CAMK1G: variants seen among roughly 807,000 people sequenced by gnomAD.
CAMK1G encodes the protein calcium/calmodulin dependent protein kinase IG.
A neutral mutation model predicts 54.8 loss-of-function variants in CAMK1G; 27 were observed. The ratio of observed to expected loss-of-function variants is 0.49; its 90% confidence interval spans 0.36 to 0.68. The LOEUF is 0.68. Among genes scored for constraint, CAMK1G ranks in the 30% least tolerant of loss-of-function variants. The pLI, the probability that CAMK1G is intolerant of heterozygous loss-of-function variation, is 0.00. For synonymous variants in CAMK1G, 238 were observed against 224.9 expected, an observed-to-expected ratio of 1.06 and a Z score of -0.52; for missense variants, 512 against 591.0, an observed-to-expected ratio of 0.87 and a Z score of 1.39.
At chr1:209,592,336 C>A (rs1035801823) in intron 1 of CAMK1G, among the ~76,000 whole-genome samples, 9 of 124,768 alleles carry the variant, frequency 7.2e-5, no homozygotes, top group Middle Eastern at 4.6e-3. Context: ...TAGAGCAAGA[C>A]TCTGTCTCAA....
intron 8 of CAMK1G, 27 bp downstream of exon 8, chr1:209,609,119 A>G (rs779956913): frequency 6.2e-7 from 1 of 1,613,982 alleles, no homozygotes; most frequent in South Asian, 1.1e-5. Flanking sequence ...TGAAGGAGAG[A>G]TAACAGGCTC....
At chr1:209,588,224 C>T (rs1431620439) in intron 1 of CAMK1G, among the ~76,000 whole-genome samples, 2 of 152,202 alleles carry the variant, frequency 1.3e-5, no homozygotes, top group African/African-American at 4.8e-5. Context: ...AGGTGCTACT[C>T]AAAGATGCTC....
intron 3 of CAMK1G, among the ~76,000 whole-genome samples, chr1:209,601,108 T>C (rs1387708307): frequency 6.6e-6 from 1 of 152,196 alleles, no homozygotes; most frequent in Non-Finnish European, 1.5e-5. Context: ...AGGAGTCACA[T>C]TGTCTGATTA....
intron 7 of CAMK1G, 49 bp from the exon 8 acceptor site, chr1:209,608,931 G>T: frequency 6.2e-7 from 1 of 1,608,806 alleles, no homozygotes. Context: ...GGCTGGCTCA[G>T]GGAGGACAGG....
chr1:209,587,921 A>G (rs1665142510), intron 1 of CAMK1G, among the ~76,000 whole-genome samples: 1 of 152,192 alleles, frequency 6.6e-6, no homozygotes, highest in Non-Finnish European at 1.5e-5. Context: ...CTTATTAGAG[A>G]TGATCCAACT....
In CAMK1G at chr1:209,605,534, A is replaced by G. The variant is rs1665627958; in HGVS notation, c.297-2A>G. ...ATTCCTGTCTTGATCCTATGCCCAC[A>G]GTGTTTCTGGTGGGGAGCTCTTTGA... On this transcript the variant is annotated splice_acceptor_variant, in intron 4 of 12. Transcript: ENST00000361322. LOFTEE classifies it high-confidence loss of function. 1.2e-6 allele frequency: 2 copies of G among 1,613,682 alleles called. No individual in the cohort carries two copies. Among genetic ancestry groups the G allele is most frequent in the African/African-American group, 1.3e-5 (1 of 74,908 alleles).
At chr1:209,586,741 A>T (rs1665112355) in intron 1 of CAMK1G, among the ~76,000 whole-genome samples, 1 of 152,132 alleles carries the variant, frequency 6.6e-6, no homozygotes. Flanking sequence ...CACATTCAGC[A>T]GATGAGGAAA....
At chr1:209,603,088 C>T (rs1665567875) in intron 3 of CAMK1G, 126 bp from the exon 4 acceptor site, 1 of 785,972 alleles carries the variant, frequency 1.3e-6, no homozygotes, top group Non-Finnish European at 2.1e-6. Context: ...GAAGGCTTCA[C>T]AGAGACCTAG....
Position 209,613,336 on chromosome 1 carries a change from C to T in CAMK1G, c.*334C>T, listed in dbSNP as rs540768912. The T allele has an allele frequency of 1.1e-4, 18 of 164,220 alleles. No individual in the cohort carries two copies. The South Asian group carries it at 2.8e-3, about 25-fold the overall frequency. The allele number at this position is 164,220 out of a possible 1,614,324, so 10.2% of individuals were successfully genotyped here. ...CTGTGCAGTGTACGTAGATAGCTCT[C>T]GCCTGGGTCTGTGCTGTTTGTCGTG... On this transcript the variant is annotated 3_prime_UTR_variant, in exon 13 of 13. Coordinates refer to ENST00000361322, the MANE Select transcript of CAMK1G (RefSeq NM_020439.3).
At chr1:209,605,475 A>C in intron 4 of CAMK1G, 61 bp from the exon 5 acceptor site, 1 of 1,579,134 alleles carries the variant, frequency 6.3e-7, no homozygotes, top group South Asian at 1.2e-5. Flanking sequence ...CAAAGCAAAC[A>C]CCTTCTCATT....
At chr1:209,590,031 C>T (rs74695359) in intron 1 of CAMK1G, among the ~76,000 whole-genome samples, 2 of 152,326 alleles carry the variant, frequency 1.3e-5, no homozygotes, top group Non-Finnish European at 2.9e-5. Context: ...TGTGAAAAAT[C>T]AGCCCTAAAT....
At chr1:209,598,306 A>G (rs1377359195) in intron 2 of CAMK1G, among the ~76,000 whole-genome samples, 1 of 152,192 alleles carries the variant, frequency 6.6e-6, no homozygotes, top group Non-Finnish European at 1.5e-5. Flanking sequence ...GTTGCTCAGC[A>G]CCCTGGCCTC....
Position 209,611,560 on chromosome 1 carries a change from G to C in CAMK1G, c.915+8G>C. ...GCTAAGAGCAAGTGGAGGGTAAGCT[G>C]TCCTCTCCAGGGGGTGGGAAAGCTG... On this transcript the variant is annotated splice_region_variant and intron_variant, in intron 10 of 12. Transcript: ENST00000361322. 6.2e-7 allele frequency: 1 copy of C among 1,610,412 alleles called. No individual in the cohort carries two copies. Among genetic ancestry groups the C allele is most frequent in the Non-Finnish European group, 8.5e-7 (1 of 1,176,734 alleles).
At position 209,611,482 on chromosome 1, in the gene CAMK1G, C is replaced by T; in HGVS notation, c.845C>T (p.Ala282Val). ...LSHPWIDGNT[A>V]LHRDIYPSVS... ...ATCCACAGGATTGACGGAAACACAG[C>T]CCTCCACCGGGACATCTACCCATCA... The change falls in exon 10 of 13, where the codon GCC becomes GTC. Residue 282 changes from alanine (A) to valine (V), a missense_variant. Ala to Val is a moderately conservative substitution (Grantham distance 64). This residue lies in a region of CAMK1G where 315 missense variants were observed against 330.5 expected (regional missense o/e 0.95). Coordinates refer to ENST00000361322, the MANE Select transcript of CAMK1G (RefSeq NM_020439.3). 6.2e-7 allele frequency: 1 copy of T among 1,614,166 alleles called. No individual in the cohort carries two copies. The highest frequency in any genetic ancestry group is 8.5e-7 in the Non-Finnish European group (1 of 1,180,014).
chr1:209,596,057 T>A (rs1665374815), intron 2 of CAMK1G, among the ~76,000 whole-genome samples: 1 of 152,204 alleles, frequency 6.6e-6, no homozygotes, highest in Non-Finnish European at 1.5e-5. Context: ...GGGTAAGCTT[T>A]CTCTGTCGCC....
At position 209,598,801 on chromosome 1, in the gene CAMK1G, A is replaced by T. The variant is rs189289185; in HGVS notation, c.93-1182A>T. Among the ~76,000 whole-genome samples the T allele has an allele frequency of 2.0e-5, 3 of 152,148 alleles. No individual in the cohort carries two copies. In the East Asian group the frequency reaches 5.8e-4, roughly 29 times the overall value. ...TGGAAATAATTTCAAACTTAGAAAA[A>T]CGTTTCAAAAATAAGAATAACGCCA... On this transcript the variant is annotated intron_variant, in intron 2 of 12. Coordinates refer to ENST00000361322, the MANE Select transcript of CAMK1G (RefSeq NM_020439.3).
rs187124482 is a variant in CAMK1G at position 209,611,528 on chromosome 1, G to T, written c.891G>T (p.Lys297Asn). 1.5e-4 allele frequency: 240 copies of T among 1,614,192 alleles called. No homozygotes were observed. Among genetic ancestry groups the T allele is most frequent in the Non-Finnish European group, 2.0e-4 (232 of 1,180,014 alleles). The change falls in exon 10 of 13, where the codon AAG becomes AAT. Residue 297 changes from lysine (K) to asparagine (N), a missense_variant. This residue lies in a region of CAMK1G where 315 missense variants were observed against 330.5 expected (regional missense o/e 0.95). Transcript: ENST00000361322. ...CATCAGTCAGCCTCCAGATCCAGAA[G>T]AACTTTGCTAAGAGCAAGTGGAGGG... The part of the protein sequence containing the change: ...IYPSVSLQIQ[K>N]NFAKSKWRQA...
rs965780480 is a variant in CAMK1G at position 209,611,571 on chromosome 1, G to A, written c.915+19G>A. ...GTGGAGGGTAAGCTGTCCTCTCCAG[G>A]GGGTGGGAAAGCTGTTCTGGGCCCC... On this transcript the variant is annotated intron_variant, in intron 10 of 12. Transcript: ENST00000361322. 1.2e-6 allele frequency: 2 copies of A among 1,607,424 alleles called. No homozygotes were observed. The highest frequency in any genetic ancestry group is 2.2e-5 in the East Asian group (1 of 44,792).
rs774655486 is a variant in CAMK1G, at chr1:209,609,837, A to AT, written c.749-12dup. ...CTGGTCCTTAGTCGTCGTGTCTTTG[A>AT]TTACTCCCCTTAGCCAAGGACTTTA... On this transcript the variant is annotated splice_polypyrimidine_tract_variant and intron_variant, in intron 8 of 12. Transcript: ENST00000361322. 16 of 1,614,022 alleles carry AT rather than the reference A, an allele frequency of 9.9e-6. No individual in the cohort carries two copies. In the South Asian group the frequency reaches 1.8e-4, roughly 18 times the overall value.
Sources: gnomAD v4.1 joint callset for allele counts (sites outside exome capture counted in the v4.1 genomes callset) on GRCh38, gnomAD v4.1.1 for gene constraint, gnomAD v4.1.1 regional missense constraint, MANE v1.5 for transcripts, NCBI Gene and HGNC (gene_info 2026-07-23, HGNC 2026-07-21) for gene names.